Variants in CREB3L1 observed in about 807,000 individuals in gnomAD.
CREB3L1 encodes cyclic AMP-responsive element-binding protein 3-like protein 1.
A neutral mutation model predicts 54.5 loss-of-function variants in CREB3L1; 33 were observed. That is an observed-to-expected ratio of 0.61 (90% CI 0.46 to 0.81). The LOEUF is 0.81. Ranked by LOEUF, CREB3L1 falls within the 30% of genes least tolerant of loss-of-function variation. The pLI is 0.00. For missense variants in CREB3L1, 656 were observed against 673.3 expected, an observed-to-expected ratio of 0.97 and a Z score of 0.29; for synonymous variants, 284 against 286.4, an observed-to-expected ratio of 0.99 and a Z score of 0.08.
At chr11:46,289,703 T>C (rs1939104976) in intron 1 of CREB3L1, among the ~76,000 whole-genome samples, 1 of 152,144 alleles carries the variant, frequency 6.6e-6, no homozygotes, top group South Asian at 2.1e-4. Context: ...CACAGCAGGT[T>C]TAAGGAGCTG....
At chr11:46,282,628 C>T (rs955995458) in intron 1 of CREB3L1, among the ~76,000 whole-genome samples, 3 of 152,188 alleles carry the variant, frequency 2.0e-5, no homozygotes, top group East Asian at 1.9e-4. Flanking sequence ...AATATTGCCT[C>T]CTTAGGGAAC....
intron 10 of CREB3L1, among the ~76,000 whole-genome samples, chr11:46,319,156 C>G (rs1939610524): frequency 6.6e-6 from 1 of 152,214 alleles, no homozygotes; most frequent in Non-Finnish European, 1.5e-5. Context: ...GTTTTAGGCC[C>G]AGGACCTGGG....
Position 46,295,850 on chromosome 11 carries a change from AG to A in CREB3L1, c.103-4081del, listed in dbSNP as rs970123644. 3.9e-5 allele frequency among the ~76,000 whole-genome samples: 6 copies of A among 152,206 alleles called. No individual in the cohort carries two copies. The highest frequency in any genetic ancestry group is 8.8e-5 in the Non-Finnish European group (6 of 68,034). On this transcript the variant is annotated intron_variant, in intron 1 of 11. Transcript: ENST00000621158. The surrounding 1 kb of genome is among the most constrained non-coding windows in gnomAD (Gnocchi z 4.6). ...TCCAAGAGAGGGTGCAGCCGAGAAG[AG>A]GGGTACGCAGGTCTGCAAGCAGGAG...
chr11:46,293,330 C>T (rs1308461880), intron 1 of CREB3L1, among the ~76,000 whole-genome samples: 3 of 152,202 alleles, frequency 2.0e-5, no homozygotes, highest in South Asian at 4.1e-4. Context: ...TCGCTGCCAT[C>T]GCTTCCTCCT....
intron 1 of CREB3L1, among the ~76,000 whole-genome samples, chr11:46,288,143 CGCG>C (rs1174122964): frequency 6.6e-6 from 1 of 151,830 alleles, no homozygotes; most frequent in Non-Finnish European, 1.5e-5. Context: ...AATGCAATGG[CGCG>C]ACCTCCACTC....
chr11:46,312,232 G>C, intron 5 of CREB3L1, 93 bp from the exon 6 acceptor site: 1 of 1,089,396 alleles, frequency 9.2e-7, no homozygotes, highest in Non-Finnish European at 1.3e-6. Flanking sequence ...AGCATTGTGT[G>C]CCTTGCCCAG....
At position 46,316,330 on chromosome 11, in the gene CREB3L1, A is replaced by T. The variant is rs746441038; in HGVS notation, c.1076A>T (p.Asn359Ile). ...QLQKLQTLVT[N>I]KISRPYKMAA... ...CAGAAACTCCAGACTCTGGTCACCA[A>T]CAAGATCTCCAGACCTTACAAGATG... is the stretch of plus-strand genomic sequence containing the variant. The change falls in exon 9 of 12, where the codon AAC becomes ATC. Residue 359 changes from asparagine (N) to isoleucine (I), a missense_variant. This residue lies in a region of CREB3L1 where 240 missense variants were observed against 219.8 expected (regional missense o/e 1.09). Coordinates refer to ENST00000621158, the MANE Select transcript of CREB3L1 (RefSeq NM_052854.4). 2 of 1,575,960 alleles carry T rather than the reference A, an allele frequency of 1.3e-6. No individual in the cohort carries two copies. The highest frequency in any genetic ancestry group is 1.8e-5 in the Admixed American group (1 of 54,608).
chr11:46,308,054 C>G, intron 3 of CREB3L1, 54 bp downstream of exon 3: 1 of 1,420,722 alleles, frequency 7.0e-7, no homozygotes. Flanking sequence ...GCTGGTGGGT[C>G]TGTGGGAAGA....
At chr11:46,282,779 G>A (rs1938998836) in intron 1 of CREB3L1, among the ~76,000 whole-genome samples, 1 of 152,234 alleles carries the variant, frequency 6.6e-6, no homozygotes, top group African/African-American at 2.4e-5. Flanking sequence ...TCCATAAGAG[G>A]AGAGTCCATA....
In CREB3L1 at chr11:46,321,250, G is replaced by T; in HGVS notation, c.*504G>T. ...TTTATATTTTATGAAGTTAGTGCGG[G>T]CTTTGCTGCTCCCTGGCCCAGGAAA... On this transcript the variant is annotated 3_prime_UTR_variant, in exon 12 of 12. Coordinates refer to ENST00000621158, the MANE Select transcript of CREB3L1 (RefSeq NM_052854.4). 1 of 303,638 alleles carries T rather than the reference G, an allele frequency of 3.3e-6. No homozygotes were observed. Among genetic ancestry groups the T allele is most frequent in the Admixed American group, 4.3e-5 (1 of 23,394 alleles). The allele number at this position is 303,638 out of a possible 1,614,324, so 18.8% of individuals were successfully genotyped here.
intron 1 of CREB3L1, among the ~76,000 whole-genome samples, chr11:46,284,954 C>T (rs1312552405): frequency 6.6e-6 from 1 of 152,180 alleles, no homozygotes; most frequent in Non-Finnish European, 1.5e-5. Flanking sequence ...AACCAGATCC[C>T]CTGAATAAGC....
chr11:46,312,891 A>G lies in CREB3L1; in HGVS notation c.1003A>G (p.Lys335Glu). The change falls in exon 8 of 12, where the codon AAG becomes GAG. Residue 335 changes from lysine to glutamate, a missense_variant. Transcript: ENST00000621158. The part of the protein sequence containing the change: ...FTSENNELWK[K>E]VETLENANRT... ...ATCTGAGAACAATGAACTGTGGAAG[A>G]AGGTGGAGACCCTGGAGAATGCCAA... is the stretch of plus-strand genomic sequence containing the variant. The G allele has an allele frequency of 6.3e-7, 1 of 1,592,110 alleles. No homozygotes were observed. Among genetic ancestry groups the G allele is most frequent in the Non-Finnish European group, 8.6e-7 (1 of 1,169,440 alleles).
At chr11:46,316,203 G>C (rs1453514463) in intron 8 of CREB3L1, 83 bp from the exon 9 acceptor site, 1 of 857,888 alleles carries the variant, frequency 1.2e-6, no homozygotes, top group African/African-American at 1.7e-5. Context: ...GCCAAGTCTG[G>C]AGCCAGCCCC....
At position 46,278,297 on chromosome 11, in the gene CREB3L1, C is replaced by A; in HGVS notation, c.102+84C>A. 1 of 805,228 alleles carries A rather than the reference C, an allele frequency of 1.2e-6. No homozygotes were observed. Among genetic ancestry groups the A allele is most frequent in the Non-Finnish European group, 2.0e-6 (1 of 505,996 alleles). The allele number at this position is 805,228 out of a possible 1,614,324, so 49.9% of individuals were successfully genotyped here. On this transcript the variant is annotated intron_variant, in intron 1 of 11. Transcript: ENST00000621158. This position sits in a 1 kb window ranked among gnomAD's most constrained non-coding sequence, Gnocchi z 4.2. Reference sequence around the variant, plus strand: ...CTGGGCCCCTAGAAGGACCCGACTACACATCACTGGGCAGGAGCCGGGGAG... The same window carrying A: ...CTGGGCCCCTAGAAGGACCCGACTAAACATCACTGGGCAGGAGCCGGGGAG...
At chr11:46,302,099 C>T (rs1324055702) in intron 2 of CREB3L1, among the ~76,000 whole-genome samples, 1 of 150,914 alleles carries the variant, frequency 6.6e-6, no homozygotes, top group South Asian at 2.1e-4. Context: ...ACCTGGGAGG[C>T]GGAGCTTGCA....
chr11:46,303,270 G>A (rs982444194), intron 2 of CREB3L1, among the ~76,000 whole-genome samples: 4 of 152,110 alleles, frequency 2.6e-5, no homozygotes, highest in Non-Finnish European at 5.9e-5. Context: ...AATAATATAC[G>A]CCTTGAGAGT....
intron 9 of CREB3L1, 22 bp downstream of exon 9, chr11:46,316,407 A>G (rs1939568067): frequency 1.4e-6 from 2 of 1,430,878 alleles, no homozygotes; most frequent in Non-Finnish European, 9.6e-7. Context: ...TCCCTCCACC[A>G]CAGACCCACA....
chr11:46,320,251 A>G lies in CREB3L1; in HGVS notation c.1259-13A>G, dbSNP rs371036131. 360 of 1,580,678 alleles carry G rather than the reference A, an allele frequency of 2.3e-4. 1 individual carries two copies. In the Middle Eastern group the frequency reaches 3.6e-3, roughly 16 times the overall value. ...ATCTTGGGCACACCGCTCATCCTAC[A>G]CTCCCTCTCCAGTGCCCTCCCGAAG... On this transcript the variant is annotated splice_polypyrimidine_tract_variant and intron_variant, in intron 10 of 11. Transcript: ENST00000621158.
Position 46,311,038 on chromosome 11 carries a change from T to C in CREB3L1, c.602T>C (p.Leu201Pro), listed in dbSNP as rs745502768. 54 of 1,599,286 alleles carry C rather than the reference T, an allele frequency of 3.4e-5. 1 individual carries two copies. The South Asian group carries it at 5.5e-4, about 16-fold the overall frequency. ...TTTCCCCTGCTCTCCCCAGAGGACC[T>C]GGTGCAGATGCCTCCGACGCCCCCC... ...NQFLKVTPED[L>P]VQMPPTPPSS... Residue 201 changes from leucine to proline, a missense_variant, in exon 5 of 12, where the codon CTG becomes CCG. Leu to Pro is a moderately conservative substitution (Grantham distance 98). Around this residue, in one of 3 missense-constraint regions of CREB3L1, gnomAD observed 339 missense variants for 331.5 expected, o/e 1.02. Transcript: ENST00000621158.
Sources: allele counts gnomAD v4.1 joint callset (sites outside exome capture counted in the v4.1 genomes callset), GRCh38; gene constraint gnomAD v4.1.1; regional missense constraint gnomAD v4.1.1; non-coding constraint Gnocchi (gnomAD v3.1); transcripts MANE v1.5; gene names NCBI Gene and HGNC (gene_info 2026-07-23, HGNC 2026-07-21).